The following MYO1H variants were observed in gnomAD, a reference collection of about 807,000 sequenced individuals.
MYO1H encodes the protein myosin IH.
In MYO1H, 118 loss-of-function variants were observed where a neutral mutation model predicts 149.3. That is an observed-to-expected ratio of 0.79 (90% CI 0.68 to 0.92). MYO1H has a LOEUF of 0.92. Ranked by LOEUF, MYO1H falls within the 40% of genes least tolerant of loss-of-function variation. MYO1H has a pLI of 0.00. For synonymous variants in MYO1H, 447 were observed against 465.2 expected, an observed-to-expected ratio of 0.96 and a Z score of 0.50; for missense variants, 1,212 against 1,280.7, an observed-to-expected ratio of 0.95 and a Z score of 0.82.
intron 26 of MYO1H, 25 bp downstream of exon 26, chr12:109,441,733 A>C: frequency 6.5e-7 from 1 of 1,545,994 alleles, no homozygotes; most frequent in Non-Finnish European, 8.9e-7. Context: ...CAGCCTATGT[A>C]CTTGGCTTTC....
chr12:109,445,434 A>C, intron 30 of MYO1H, 79 bp from the exon 31 acceptor site: 1 of 1,023,598 alleles, frequency 9.8e-7, no homozygotes, highest in East Asian at 2.5e-5. Flanking sequence ...GAATTTAATA[A>C]GTGAATTTCT....
chr12:109,328,022 G>T, the MYO1H span, among the ~76,000 whole-genome samples: 4 of 151,536 alleles, frequency 2.6e-5, no homozygotes, highest in Non-Finnish European at 4.4e-5. Flanking sequence ...AAACTCAGAA[G>T]AAGGATGGTG....
chr12:109,406,842 T>G, exon 9 of MYO1H: 1 of 1,613,672 alleles, frequency 6.2e-7, no homozygotes, highest in Non-Finnish European at 8.5e-7. Context: ...ACAGAAAAAT[T>G]GAAGCCAAAA....
the MYO1H span, among the ~76,000 whole-genome samples, chr12:109,334,584 C>G: frequency 5.3e-5 from 8 of 152,190 alleles, no homozygotes; most frequent in Non-Finnish European, 7.3e-5. Context: ...CCTGCTAAAG[C>G]TAGTACACTT....
At position 109,443,103 on chromosome 12, in the gene MYO1H, C is replaced by CGTATATGTGTGTATATATGTGTAT. The variant is rs1872261145; in HGVS notation, c.2689-395_2689-394insATGTGTATGTATATGTGTGTATAT. On this transcript the variant is annotated intron_variant, in intron 27 of 31. Transcript: ENST00000310903. ...GTACGTATGTGTGTATATATGTGTACGTATATGTGTGTATATGTGTACGTA... is the reference window on the plus strand; with the variant it reads ...GTACGTATGTGTGTATATATGTGTACGTATATGTGTGTATATATGTGTATGTATATGTGTGTATATGTGTACGTA... 1.6e-4 allele frequency among the ~76,000 whole-genome samples: 10 copies of CGTATATGTGTGTATATATGTGTAT among 64,358 alleles called. 2 individuals are homozygous for CGTATATGTGTGTATATATGTGTAT. Among genetic ancestry groups the CGTATATGTGTGTATATATGTGTAT allele is most frequent in the South Asian group, 1.0e-3 (2 of 1,978 alleles). 42.2% of individuals were successfully genotyped at this position (64,358 alleles called of 152,430 possible).
chr12:109,444,543 T>C lies in MYO1H; in HGVS notation c.2993+14T>C. 2 of 1,591,378 alleles carry C rather than the reference T, an allele frequency of 1.3e-6. No homozygotes were observed. The highest frequency in any genetic ancestry group is 1.1e-5 in the South Asian group (1 of 90,538). On this transcript the variant is annotated intron_variant, in intron 30 of 31. Transcript: ENST00000310903. ...TGTTCAAGGAAGGTAGGTGGCTTCA[T>C]CTTCAGCTCAGGAAGTAATTCAATG...
chr12:109,447,257 G>T (rs1263783128), exon 32 of MYO1H: 2 of 1,313,066 alleles, frequency 1.5e-6, no homozygotes, highest in Non-Finnish European at 2.2e-6. Flanking sequence ...GTGGGGATTG[G>T]ATCCAGTTAG....
intron 15 of MYO1H, among the ~76,000 whole-genome samples, chr12:109,418,347 T>C (rs1227323906): frequency 6.6e-6 from 1 of 152,082 alleles, no homozygotes; most frequent in Non-Finnish European, 1.5e-5. Context: ...GTTTTACTTT[T>C]TTTTTTCTTT....
rs182208447 is a variant in MYO1H at position 109,377,330 on chromosome 12, C to G, written c.13-11353C>G. Among the ~76,000 whole-genome samples, 314 of 152,214 alleles carry G rather than the reference C, an allele frequency of 2.1e-3. 1 individual carries two copies. Among genetic ancestry groups the G allele is most frequent in the Non-Finnish European group, 3.4e-3 (231 of 68,036 alleles). The stretch of plus-strand genomic sequence containing the variant: ...CCTCATAGTGGAAGATAAAGGGAAA[C>G]TAACATGTGCAGAGATCACATGGTG... On this transcript the variant is annotated intron_variant, in intron 1 of 31. Transcript: ENST00000310903.
intron 31 of MYO1H, chr12:109,445,847 G>C (rs1349133717): frequency 2.0e-6 from 2 of 985,254 alleles, no homozygotes; most frequent in Non-Finnish European, 2.4e-6. Flanking sequence ...CAGTGAACCA[G>C]AAGCTGACAT....
exon 32 of MYO1H, chr12:109,447,275 T>G: frequency 8.8e-7 from 1 of 1,130,736 alleles, no homozygotes; most frequent in Non-Finnish European, 1.3e-6. Context: ...TAGCTACCTC[T>G]TCAAGGTACC....
chr12:109,355,922 T>C (rs1156487016), intron 1 of MYO1H, among the ~76,000 whole-genome samples: 1 of 151,776 alleles, frequency 6.6e-6, no homozygotes, highest in African/African-American at 2.4e-5. Flanking sequence ...TTCATCATGT[T>C]GGCCAGGCTG....
In MYO1H at chr12:109,438,086, T is replaced by TAAAAAAAAAAAAAAA. The variant is rs58487735; in HGVS notation, c.2210-443_2210-429dup. 1.3e-3 allele frequency among the ~76,000 whole-genome samples: 124 copies of TAAAAAAAAAAAAAAA among 96,892 alleles called. 3 individuals are homozygous for TAAAAAAAAAAAAAAA. The highest frequency in any genetic ancestry group is 5.4e-3 in the African/African-American group (119 of 22,070). 63.6% of individuals were successfully genotyped at this position (96,892 alleles called of 152,430 possible). A position where few individuals can be genotyped will look rare whatever the true frequency, so the allele number is the denominator to read the frequency against. ...TTGGGCGACAGAGCAAGGCTCTGTCTAAAAAAAAAAAAAAAAAAAAATTGG... is the reference window on the plus strand; with the variant it reads ...TTGGGCGACAGAGCAAGGCTCTGTCTAAAAAAAAAAAAAAAAAAAAAAAAAAAAAAAAAAAATTGG... On this transcript the variant is annotated intron_variant, in intron 22 of 31. Transcript: ENST00000310903.
At chr12:109,324,028 A>G in the MYO1H span, among the ~76,000 whole-genome samples, 2 of 141,268 alleles carry the variant, frequency 1.4e-5, no homozygotes, top group Non-Finnish European at 3.1e-5. Context: ...AAAAAAAAAA[A>G]GTGTTCAACA....
intron 13 of MYO1H, 28 bp from the exon 14 acceptor site, chr12:109,411,866 G>T (rs966302153): frequency 1.3e-6 from 2 of 1,535,558 alleles, no homozygotes; most frequent in Non-Finnish European, 1.8e-6. Context: ...TGGTGCTGTG[G>T]ATTGAGGCTT....
the MYO1H span, among the ~76,000 whole-genome samples, chr12:109,315,652 C>T: frequency 6.6e-6 from 1 of 152,216 alleles, no homozygotes; most frequent in Non-Finnish European, 1.5e-5. Context: ...CAGCTGGGAC[C>T]AAGTGCAGCT....
chr12:109,438,376 A>G (rs1871961978), intron 22 of MYO1H, among the ~76,000 whole-genome samples, 160 bp from the exon 23 acceptor site: 6 of 152,190 alleles, frequency 3.9e-5, no homozygotes, highest in Admixed American at 2.0e-4. Context: ...ACTCCCAGGT[A>G]AGAACTGATG....
intron 24 of MYO1H, among the ~76,000 whole-genome samples, chr12:109,440,153 GC>G (rs1432272583): frequency 4.0e-5 from 6 of 151,846 alleles, no homozygotes; most frequent in African/African-American, 1.2e-4. Flanking sequence ...TGGTGTGTCA[GC>G]CCCCCTGAAT....
intron 21 of MYO1H, among the ~76,000 whole-genome samples, chr12:109,435,337 G>A (rs548435072): frequency 1.0e-4 from 11 of 108,652 alleles, no homozygotes; most frequent in South Asian, 2.7e-4. Context: ...TTGTTCCGCC[G>A]TTTCAGTTCT....
Sources: allele counts gnomAD v4.1 joint callset (sites outside exome capture counted in the v4.1 genomes callset), GRCh38; gene constraint gnomAD v4.1.1; transcripts MANE v1.5; gene names NCBI Gene and HGNC (gene_info 2026-07-23, HGNC 2026-07-21).